CAPSL: variants seen among roughly 807,000 people sequenced by gnomAD.
The protein encoded by CAPSL is calcyphosine like.
In CAPSL, 17 loss-of-function variants were observed where a neutral mutation model predicts 21.3. That is an observed-to-expected ratio of 0.80 (90% CI 0.55 to 1.20). The LOEUF is 1.20. Ranked by LOEUF, CAPSL falls within the 50% of genes most tolerant of loss-of-function variation. The probability of loss-of-function intolerance (pLI) is 0.00; values close to 1 mark genes in which losing one functional copy is unlikely to be tolerated. For missense variants in CAPSL, 289 were observed against 259.3 expected (o/e 1.11, Z -0.79); for synonymous variants, 102 against 89.3 (o/e 1.14, Z -0.80).
rs201880660 is a variant in CAPSL at position 35,910,388 on chromosome 5, T to C, written c.293A>G (p.Asn98Ser). 9 of 1,613,366 alleles carry C rather than the reference T, an allele frequency of 5.6e-6. No homozygotes were observed. The East Asian group carries it at 1.1e-4, about 20-fold the overall frequency. Reference sequence around the variant, plus strand: ...TACTCTTAATGTGAGAAGAAATTCATTGAAGTCTATTGTTCCATTTCCATC... The same window carrying C: ...TACTCTTAATGTGAGAAGAAATTCACTGAAGTCTATTGTTCCATTTCCATC... ...DKDGNGTIDFNEFLLTLRPPM... is the reference protein window; with the variant it reads ...DKDGNGTIDFSEFLLTLRPPM... The change falls in exon 3 of 5, where the codon AAT (asparagine) becomes AGT (serine). Residue 98 changes from asparagine to serine, a missense_variant. Coordinates refer to ENST00000651391, the MANE Select transcript of CAPSL (RefSeq NM_001042625.2).
At chr5:35,918,591 T>A (rs1027943004) in intron 2 of CAPSL, among the ~76,000 whole-genome samples, 8 of 152,130 alleles carry the variant, frequency 5.3e-5, no homozygotes, top group Middle Eastern at 3.2e-3. Flanking sequence ...TGCCCATGTA[T>A]CCCAGCACTT....
rs1417240415 is a variant in CAPSL, at chr5:35,932,863, A to G, written c.-1+5678T>C. On this transcript the variant is annotated intron_variant, in intron 1 of 4. Coordinates refer to ENST00000651391, the MANE Select transcript of CAPSL (RefSeq NM_001042625.2). The stretch of plus-strand genomic sequence containing the variant: ...TGTTCACCCAAACCAAATAAGGCTC[A>G]CTTTTCCACGGGCAGTTATGAAGGA... Among the ~76,000 whole-genome samples the G allele has an allele frequency of 5.3e-5, 8 of 152,310 alleles. No homozygotes were observed. The South Asian group carries it at 1.0e-3, about 20-fold the overall frequency.
intron 1 of CAPSL, among the ~76,000 whole-genome samples, chr5:35,931,747 G>C (rs1474732853): frequency 6.6e-6 from 1 of 152,198 alleles, no homozygotes; most frequent in African/African-American, 2.4e-5. Context: ...GCAATATAGA[G>C]AAATAAATAA....
chr5:35,910,531 A>G lies in CAPSL; in HGVS notation c.150T>C (p.Ile50=), dbSNP rs777099097. ...GGGTTCGATTATTATCGTCATCCAT[A>G]ATTCTAAACACTCTGAAGAAAATAC... is the stretch of plus-strand genomic sequence containing the variant. ...GIKGLGRVFR[I]MDDDNNRTLD... is the part of the protein sequence containing the mutation. Residue 50 remains isoleucine, a synonymous_variant, in exon 3 of 5, where the codon ATT becomes ATC. Coordinates refer to ENST00000651391, the MANE Select transcript of CAPSL (RefSeq NM_001042625.2). 6.2e-7 allele frequency: 1 copy of G among 1,603,084 alleles called. No individual in the cohort carries two copies. The highest frequency in any genetic ancestry group is 1.1e-5 in the South Asian group (1 of 89,878).
intron 1 of CAPSL, among the ~76,000 whole-genome samples, chr5:35,923,969 C>T (rs904558047): frequency 9.2e-5 from 14 of 151,926 alleles, no homozygotes; most frequent in African/African-American, 3.4e-4. Context: ...ATACATACTT[C>T]AAAACATCAT....
In CAPSL at chr5:35,914,173, TATGCACCCAATACAAGAGC is replaced by T. The variant is rs1738307932; in HGVS notation, c.138-3649_138-3631del. On this transcript the variant is annotated intron_variant, in intron 2 of 4. Transcript: ENST00000651391. The stretch of plus-strand genomic sequence containing the variant: ...AGAAGAGCTAACTATCCTAAATATA[TATGCACCCAATACAAGAGC>T]ACGCAGATTCATAAAGCAAGTCCTT... Among the ~76,000 whole-genome samples, 3 of 152,292 alleles carry T rather than the reference TATGCACCCAATACAAGAGC, an allele frequency of 2.0e-5. No homozygotes were observed. In the South Asian group the frequency reaches 6.2e-4, roughly 32 times the overall value.
In CAPSL at chr5:35,921,054, T is replaced by C; in HGVS notation, c.67A>G (p.Thr23Ala). The C allele has an allele frequency of 1.9e-6, 3 of 1,614,092 alleles. No individual in the cohort carries two copies. Among genetic ancestry groups the C allele is most frequent in the Non-Finnish European group, 1.7e-6 (2 of 1,180,010 alleles). The change falls in exon 2 of 5, where the codon ACC (threonine) becomes GCC (alanine). Residue 23 changes from threonine (T) to alanine (A), a missense_variant. Coordinates refer to ENST00000651391, the MANE Select transcript of CAPSL (RefSeq NM_001042625.2). ...IQAKKKLTTA[T>A]DPIERLRLQC... The stretch of plus-strand genomic sequence containing the variant: ...AGTCGGAGTCTTTCAATGGGGTCGG[T>C]GGCCGTGGTGAGCTTTTTCTTGGCC...
chr5:35,908,050 G>A (rs1738075766), intron 4 of CAPSL, among the ~76,000 whole-genome samples: 1 of 152,232 alleles, frequency 6.6e-6, no homozygotes, highest in South Asian at 2.1e-4. Flanking sequence ...CAGTTGATAT[G>A]TGCTCAAAAA....
chr5:35,907,048 G>A (rs184653250), intron 4 of CAPSL, among the ~76,000 whole-genome samples: 26 of 152,186 alleles, frequency 1.7e-4, no homozygotes, highest in African/African-American at 5.8e-4. Context: ...TAAATTGTTG[G>A]TTAGCAATAA....
intron 2 of CAPSL, among the ~76,000 whole-genome samples, chr5:35,919,170 A>AAAAAAATATATATATATAT (rs754098152): frequency 1.6e-4 from 20 of 121,270 alleles, no homozygotes; most frequent in South Asian, 1.6e-3. Context: ...TAAAAAAAAA[A>AAAAAAATATATATATATAT]ATATATATAT....
At chr5:35,937,869 C>A (rs191349762) in intron 1 of CAPSL, among the ~76,000 whole-genome samples, 4 of 150,372 alleles carry the variant, frequency 2.7e-5, no homozygotes, top group Admixed American at 2.0e-4. Flanking sequence ...ATTTCATCTA[C>A]TTAATATGGT....
rs772500687 is a variant in CAPSL at position 35,909,926 on chromosome 5, C to A, written c.465G>T (p.Glu155Asp). ...CCAGAAATTTCCTAAATACTTGTTC[C>A]TCACTCCATTCCCCATTCTGGTACT... Reference protein sequence around the residue: ...HPKYQNGEWSEEQVFRKFLDN... With the variant: ...HPKYQNGEWSDEQVFRKFLDN... The change falls in exon 4 of 5, where the codon GAG becomes GAT. Residue 155 changes from glutamate (E) to aspartate (D), a missense_variant. Transcript: ENST00000651391. 6.2e-7 allele frequency: 1 copy of A among 1,613,692 alleles called. No individual in the cohort carries two copies. The highest frequency in any genetic ancestry group is 8.5e-7 in the Non-Finnish European group (1 of 1,179,880).
intron 2 of CAPSL, among the ~76,000 whole-genome samples, chr5:35,912,637 G>C (rs1738261379): frequency 1.3e-5 from 2 of 152,242 alleles, no homozygotes; most frequent in Non-Finnish European, 2.9e-5. Context: ...CAACAGACCT[G>C]CAGCTGAGGT....
At chr5:35,935,023 G>A (rs1738909163) in intron 1 of CAPSL, among the ~76,000 whole-genome samples, 2 of 152,124 alleles carry the variant, frequency 1.3e-5, no homozygotes, top group African/African-American at 4.8e-5. Context: ...GATGCACCCT[G>A]TCACCTCCAC....
At chr5:35,919,314 C>G (rs568140923) in intron 2 of CAPSL, among the ~76,000 whole-genome samples, 1 of 151,756 alleles carries the variant, frequency 6.6e-6, no homozygotes, top group South Asian at 2.1e-4. Flanking sequence ...AGGATACTAG[C>G]AAAAGAATCT....
intron 2 of CAPSL, 51 bp from the exon 3 acceptor site, chr5:35,910,594 T>C (rs1167928919): frequency 7.4e-7 from 1 of 1,350,122 alleles, no homozygotes; most frequent in Non-Finnish European, 1.0e-6. Flanking sequence ...ATAACAGGTG[T>C]AAGTGTAAAG....
At chr5:35,919,703 A>T (rs568166560) in intron 2 of CAPSL, among the ~76,000 whole-genome samples, 36 of 152,258 alleles carry the variant, frequency 2.4e-4, no homozygotes, top group African/African-American at 7.9e-4. Flanking sequence ...GGAGTGGAGG[A>T]GAGGGGCAGC....
chr5:35,910,607 T>C, intron 2 of CAPSL, 64 bp from the exon 3 acceptor site: 1 of 1,234,748 alleles, frequency 8.1e-7, no homozygotes, highest in Non-Finnish European at 1.1e-6. Flanking sequence ...GTGTAAAGAT[T>C]AAAAAAAAAT....
chr5:35,915,858 G>T (rs1488843656), intron 2 of CAPSL, among the ~76,000 whole-genome samples: 1 of 152,190 alleles, frequency 6.6e-6, no homozygotes, highest in African/African-American at 2.4e-5. Flanking sequence ...GGAAGTTGTG[G>T]CCAGAGCAAT....
Sources: gnomAD v4.1 joint callset for allele counts (sites outside exome capture counted in the v4.1 genomes callset) on GRCh38, gnomAD v4.1.1 for gene constraint, MANE v1.5 for transcripts, NCBI Gene and HGNC (gene_info 2026-07-23, HGNC 2026-07-21) for gene names.